NAALADL2: variants seen among roughly 807,000 people sequenced by gnomAD.
The protein encoded by NAALADL2 is inactive N-acetylated-alpha-linked acidic dipeptidase-like protein 2.
A neutral mutation model predicts 87.2 loss-of-function variants in NAALADL2; 76 were observed. The ratio of observed to expected loss-of-function variants is 0.87; its 90% CI spans 0.72 to 1.05. The LOEUF is 1.05. Among genes scored for constraint, NAALADL2 ranks in the 50% least tolerant of loss-of-function variants. The pLI is 0.00. For synonymous variants in NAALADL2, 354 were observed against 331.0 expected, an observed-to-expected ratio of 1.07 and a Z score of -0.75; for missense variants, 1,089 against 945.8, an observed-to-expected ratio of 1.15 and a Z score of -1.99.
At chr3:174,882,450 T>C (rs1037696715) in intron 1 of NAALADL2, among the ~76,000 whole-genome samples, 2 of 150,842 alleles carry the variant, frequency 1.3e-5, no homozygotes, top group African/African-American at 4.9e-5. Flanking sequence ...TATATGTGTG[T>C]ATATATACAT....
chr3:174,743,222 T>C (rs1733927033), intron 3 of NAALADL2, among the ~76,000 whole-genome samples: 1 of 151,776 alleles, frequency 6.6e-6, no homozygotes, highest in Non-Finnish European at 1.5e-5. Flanking sequence ...TCTACAGGCT[T>C]CTTTCAGTAG....
In NAALADL2 at chr3:175,510,463, A is replaced by G. The variant is rs143927959; in HGVS notation, c.1653+38705A>G. On this transcript the variant is annotated intron_variant, in intron 9 of 13. Coordinates refer to ENST00000454872, the MANE Select transcript of NAALADL2 (RefSeq NM_207015.3). ...CTTTGTCATGATTAGTCTGTCAGCA[A>G]TGACACCATGATTAGATCTGCAAGT... is the stretch of plus-strand genomic sequence containing the variant. Among the ~76,000 whole-genome samples the G allele has an allele frequency of 9.7e-3, 1,473 of 152,322 alleles. 27 individuals carry two copies. Among genetic ancestry groups the G allele is most frequent in the African/African-American group, 0.034 (1,401 of 41,564 alleles).
chr3:174,996,882 A>G lies in NAALADL2; in HGVS notation c.44-99908A>G, dbSNP rs201803718. ...AGCTTCCACTGATAAATGAGAACAT[A>G]CAATATTTGGTTTTCCATTCATGAG... On this transcript the variant is annotated intron_variant, in intron 1 of 13. Coordinates refer to ENST00000454872, the MANE Select transcript of NAALADL2 (RefSeq NM_207015.3). Among the ~76,000 whole-genome samples, 21 of 152,160 alleles carry G rather than the reference A, an allele frequency of 1.4e-4. No individual in the cohort carries two copies. In the East Asian group the frequency reaches 4.1e-3, roughly 29 times the overall value.
chr3:175,213,863 A>G (rs1742118041), intron 2 of NAALADL2, among the ~76,000 whole-genome samples: 2 of 152,130 alleles, frequency 1.3e-5, no homozygotes, highest in Non-Finnish European at 2.9e-5. Flanking sequence ...TTTTGATCCC[A>G]ACATTAGCAT....
chr3:175,033,824 A>G (rs950695876), intron 1 of NAALADL2, among the ~76,000 whole-genome samples: 2 of 152,094 alleles, frequency 1.3e-5, no homozygotes, highest in Non-Finnish European at 2.9e-5. Flanking sequence ...CTTGAATTTC[A>G]TATCTGAATT....
chr3:175,273,265 C>G (rs1194022212), intron 4 of NAALADL2, among the ~76,000 whole-genome samples: 1 of 152,010 alleles, frequency 6.6e-6, no homozygotes, highest in African/African-American at 2.4e-5. Flanking sequence ...TATTTATGTT[C>G]TCTTACAATT....
chr3:175,150,299 T>C (rs1045227602), intron 2 of NAALADL2, among the ~76,000 whole-genome samples: 38 of 152,180 alleles, frequency 2.5e-4, no homozygotes, highest in Non-Finnish European at 4.3e-4. Flanking sequence ...AGTACCTCTC[T>C]TGGTTTCACA....
rs150264582 is a variant in NAALADL2 at position 174,571,311 on chromosome 3, C to T, written c.-115+20674C>T. 3.2e-3 allele frequency among the ~76,000 whole-genome samples: 488 copies of T among 152,070 alleles called. 3 individuals carry two copies. Among genetic ancestry groups the T allele is most frequent in the Middle Eastern group, 6.8e-3 (2 of 294 alleles). On this transcript the variant is annotated intron_variant, in intron 2 of 3. Transcript: ENST00000434257. Reference sequence around the variant, plus strand: ...AGTGAGACTATTGTAACCTTAATAGCAAAACAGGGCAATGACAGTAGTATA... The same window carrying T: ...AGTGAGACTATTGTAACCTTAATAGTAAAACAGGGCAATGACAGTAGTATA...
At chr3:174,805,293 C>G (rs1408404103) in intron 3 of NAALADL2, among the ~76,000 whole-genome samples, 1 of 152,130 alleles carries the variant, frequency 6.6e-6, no homozygotes, top group Non-Finnish European at 1.5e-5. Context: ...CTTTTTGTCT[C>G]TCCTCTACTC....
intron 1 of NAALADL2, among the ~76,000 whole-genome samples, chr3:175,014,209 T>C (rs1310572522): frequency 6.6e-6 from 1 of 152,076 alleles, no homozygotes; most frequent in Non-Finnish European, 1.5e-5. Context: ...CCGTCACCTC[T>C]AGGTCTTTGC....
chr3:175,533,719 A>T (rs185692632), intron 9 of NAALADL2, among the ~76,000 whole-genome samples: 2 of 152,302 alleles, frequency 1.3e-5, no homozygotes, highest in Admixed American at 1.3e-4. Flanking sequence ...CTTTCCTTGC[A>T]GGTCAGCCAC....
chr3:174,974,691 T>C (rs917979944), intron 1 of NAALADL2, among the ~76,000 whole-genome samples: 1 of 152,126 alleles, frequency 6.6e-6, no homozygotes, highest in African/African-American at 2.4e-5. Flanking sequence ...GGAGCTGATA[T>C]AATCAGGAGA....
chr3:175,759,054 A>G (rs915164662), intron 13 of NAALADL2, among the ~76,000 whole-genome samples: 3 of 152,186 alleles, frequency 2.0e-5, no homozygotes, highest in Non-Finnish European at 2.9e-5. Context: ...ACGTAGAATA[A>G]TATTCCCAAT....
chr3:174,448,321 G>A (rs1293703386), intron 1 of NAALADL2, among the ~76,000 whole-genome samples: 1 of 152,156 alleles, frequency 6.6e-6, no homozygotes, highest in East Asian at 1.9e-4. Context: ...GTAGATTCAT[G>A]TAATCGTCAC....
chr3:174,636,765 A>T (rs1301454312), intron 2 of NAALADL2, among the ~76,000 whole-genome samples: 1 of 152,256 alleles, frequency 6.6e-6, no homozygotes, highest in Admixed American at 6.5e-5. Context: ...CAAAAAAATA[A>T]AAAAAACTAA....
chr3:175,314,858 C>T (rs1175712106), intron 4 of NAALADL2, among the ~76,000 whole-genome samples: 2 of 150,992 alleles, frequency 1.3e-5, no homozygotes, highest in African/African-American at 2.4e-5. Context: ...TTACTGGATA[C>T]ATATCATAAT....
intron 2 of NAALADL2, among the ~76,000 whole-genome samples, chr3:175,134,404 A>G (rs748039099): frequency 2.0e-5 from 3 of 151,742 alleles, no homozygotes; most frequent in Non-Finnish European, 4.4e-5. Flanking sequence ...TTACTTCATC[A>G]TGAGTGTCAT....
chr3:174,714,365 G>A (rs1350578856), intron 2 of NAALADL2, among the ~76,000 whole-genome samples: 1 of 152,086 alleles, frequency 6.6e-6, no homozygotes, highest in Non-Finnish European at 1.5e-5. Context: ...GATGGGGATG[G>A]CATTGAATCT....
At chr3:175,381,804 T>A (rs1209778511) in intron 5 of NAALADL2, among the ~76,000 whole-genome samples, 1 of 152,174 alleles carries the variant, frequency 6.6e-6, no homozygotes, top group African/African-American at 2.4e-5. Flanking sequence ...GTGTGTCTCA[T>A]TGTGGAGCAA....
Sources: gnomAD v4.1 joint callset for allele counts (sites outside exome capture counted in the v4.1 genomes callset) on GRCh38, gnomAD v4.1.1 for gene constraint, MANE v1.5 for transcripts, NCBI Gene and HGNC (gene_info 2026-07-23, HGNC 2026-07-21) for gene names.